The following ARHGAP44 variants were observed in gnomAD, a reference collection of about 807,000 sequenced individuals.
The protein encoded by ARHGAP44 is rho GTPase-activating protein 44.
In ARHGAP44, 43 loss-of-function variants were observed where a neutral mutation model predicts 106.8. The ratio of observed to expected loss-of-function variants is 0.40; its 90% confidence interval spans 0.32 to 0.52. ARHGAP44 has a LOEUF of 0.52. ARHGAP44 is among the 20% of genes least tolerant of loss of function. ARHGAP44 has a pLI of 0.48. For missense variants in ARHGAP44, 866 were observed against 1,050.5 expected, an observed-to-expected ratio of 0.82 and a Z score of 2.43; for synonymous variants, 439 against 410.3, an observed-to-expected ratio of 1.07 and a Z score of -0.85.
intron 19 of ARHGAP44, among the ~76,000 whole-genome samples, chr17:12,981,765 C>T (rs1466908683): frequency 3.3e-5 from 5 of 149,862 alleles, no homozygotes; most frequent in South Asian, 2.2e-4. Context: ...AATCCTAGCA[C>T]TTTGGGAGGC....
intron 4 of ARHGAP44, among the ~76,000 whole-genome samples, chr17:12,909,977 G>C (rs1429048964): frequency 1.3e-5 from 2 of 152,180 alleles, no homozygotes; most frequent in Non-Finnish European, 2.9e-5. Flanking sequence ...CAATTAAACT[G>C]TTAACAAACT....
chr17:12,973,723 C>G, intron 17 of ARHGAP44: 1 of 490,002 alleles, frequency 2.0e-6, no homozygotes, highest in South Asian at 2.7e-5. Context: ...AGTTAGGCCA[C>G]ACACCGCTGT....
At chr17:12,873,905 A>AT (rs2036473433) in intron 1 of ARHGAP44, among the ~76,000 whole-genome samples, 3 of 49,330 alleles carry the variant, frequency 6.1e-5, no homozygotes, top group African/African-American at 1.6e-4. Context: ...CTCAGTCTCA[A>AT]AAAATAAATA....
chr17:12,852,260 A>G (rs979510443), intron 1 of ARHGAP44, among the ~76,000 whole-genome samples: 2 of 138,900 alleles, frequency 1.4e-5, no homozygotes, highest in Admixed American at 1.4e-4. Context: ...TTCACCACTA[A>G]ATCTTCACTT....
chr17:12,827,542 A>T (rs896662667), intron 1 of ARHGAP44, among the ~76,000 whole-genome samples: 2 of 152,198 alleles, frequency 1.3e-5, no homozygotes, highest in Non-Finnish European at 2.9e-5. Context: ...TAATGATGGA[A>T]TAGTAATATA....
At chr17:12,800,375 C>G (rs1457808572) in intron 1 of ARHGAP44, among the ~76,000 whole-genome samples, 1 of 152,148 alleles carries the variant, frequency 6.6e-6, no homozygotes, top group African/African-American at 2.4e-5. Flanking sequence ...CAATTTAAGT[C>G]TAGGTTAAGC....
chr17:12,978,783 G>A (rs571444519), intron 18 of ARHGAP44, among the ~76,000 whole-genome samples: 2 of 151,492 alleles, frequency 1.3e-5, no homozygotes, highest in South Asian at 4.2e-4. Flanking sequence ...CCATCTCCCG[G>A]GTTCAAGCCA....
chr17:12,882,064 A>G (rs1208232545), intron 1 of ARHGAP44, among the ~76,000 whole-genome samples: 1 of 152,164 alleles, frequency 6.6e-6, no homozygotes, highest in Non-Finnish European at 1.5e-5. Flanking sequence ...GGGATATTTA[A>G]TTGAAGCTGC....
chr17:12,925,058 C>T (rs1486529948), intron 6 of ARHGAP44, among the ~76,000 whole-genome samples: 1 of 152,090 alleles, frequency 6.6e-6, no homozygotes, highest in Non-Finnish European at 1.5e-5. Flanking sequence ...CGATGGCCAT[C>T]AAAACTCATT....
At chr17:12,903,122 G>GA (rs2037433773) in intron 3 of ARHGAP44, among the ~76,000 whole-genome samples, 1 of 82,646 alleles carries the variant, frequency 1.2e-5, no homozygotes, top group African/African-American at 5.0e-5. Context: ...GAGAGAGAGA[G>GA]AGAGGAGAGA....
At chr17:12,895,055 C>A in intron 2 of ARHGAP44, 76 bp downstream of exon 2, 1 of 1,424,684 alleles carries the variant, frequency 7.0e-7, no homozygotes, top group Non-Finnish European at 9.7e-7. Context: ...TGCTTGAACC[C>A]AGGAGGTGGA....
intron 1 of ARHGAP44, among the ~76,000 whole-genome samples, chr17:12,805,127 G>A (rs1383378480): frequency 6.6e-6 from 1 of 152,188 alleles, no homozygotes; most frequent in Non-Finnish European, 1.5e-5. Flanking sequence ...GGTTGGAAGA[G>A]GATCCTAGAA....
intron 1 of ARHGAP44, among the ~76,000 whole-genome samples, chr17:12,813,428 G>A (rs2034497273): frequency 6.6e-6 from 1 of 152,130 alleles, no homozygotes; most frequent in African/African-American, 2.4e-5. Context: ...AGATAGACAT[G>A]AAAAGTTAAA....
At chr17:12,818,354 C>A (rs376306996) in intron 1 of ARHGAP44, among the ~76,000 whole-genome samples, 3,232 of 101,694 alleles carry the variant, frequency 0.032, 103 homozygotes, top group African/African-American at 0.13. Flanking sequence ...AAAAAAAAAA[C>A]AACCCTACAA....
chr17:12,931,303 C>T (rs1444230496), intron 7 of ARHGAP44, among the ~76,000 whole-genome samples: 3 of 151,950 alleles, frequency 2.0e-5, no homozygotes, highest in Non-Finnish European at 2.9e-5. Flanking sequence ...AACTCCTGAC[C>T]TCAGGTGATC....
chr17:12,862,352 C>T (rs2036110967), intron 1 of ARHGAP44, among the ~76,000 whole-genome samples: 2 of 152,192 alleles, frequency 1.3e-5, no homozygotes, highest in African/African-American at 4.8e-5. Context: ...ACGTTTTAGT[C>T]ATTGAGTCAA....
intron 1 of ARHGAP44, among the ~76,000 whole-genome samples, chr17:12,825,538 G>C (rs930895368): frequency 1.3e-5 from 2 of 152,020 alleles, no homozygotes; most frequent in South Asian, 2.1e-4. Flanking sequence ...TGGCAGGCTG[G>C]AGACCCAAGG....
At chr17:12,972,259 A>G (rs2039544956) in intron 16 of ARHGAP44, among the ~76,000 whole-genome samples, 1 of 152,164 alleles carries the variant, frequency 6.6e-6, no homozygotes, top group Non-Finnish European at 1.5e-5. Context: ...ACCTTAGTCA[A>G]TGAGTCAATG....
intron 1 of ARHGAP44, among the ~76,000 whole-genome samples, chr17:12,860,088 G>A (rs752452285): frequency 3.5e-4 from 41 of 118,404 alleles, no homozygotes; most frequent in Non-Finnish European, 5.6e-4. Flanking sequence ...GCATATCAAA[G>A]GCATGCCCAC....
Sources: allele counts gnomAD v4.1 joint callset (sites outside exome capture counted in the v4.1 genomes callset), GRCh38; gene constraint gnomAD v4.1.1; transcripts MANE v1.5; gene names NCBI Gene and HGNC (gene_info 2026-07-23, HGNC 2026-07-21).